The following AFF3 variants were observed in gnomAD, a reference collection of about 807,000 sequenced individuals.
The protein encoded by AFF3 is AF4/FMR2 family member 3.
A neutral mutation model predicts 129.7 loss-of-function variants in AFF3; 32 were observed. The ratio of observed to expected loss-of-function variants is 0.25; its 90% CI spans 0.19 to 0.33. The LOEUF is 0.33. Ranked by LOEUF, AFF3 falls within the 10% of genes least tolerant of loss-of-function variation. The probability of loss-of-function intolerance (pLI) is 1.00; values close to 1 mark genes in which losing one functional copy is unlikely to be tolerated. For synonymous variants in AFF3, 644 were observed against 635.4 expected (o/e 1.01, Z -0.20); for missense variants, 1,373 against 1,592.0 (o/e 0.86, Z 2.34).
At chr2:99,587,408 GAGCAGCTGTGCCCC>G in intron 15 of AFF3, 130 bp from the exon 16 acceptor site, 13 of 1,041,898 alleles carry the variant, frequency 1.2e-5, no homozygotes, top group Non-Finnish European at 1.7e-5. Flanking sequence ...AGCACAGCCT[GAGCAGCTGTGCCCC>G]TGCCATAGCT....
chr2:100,001,869 T>A (rs1477354730), intron 7 of AFF3, among the ~76,000 whole-genome samples: 1 of 152,228 alleles, frequency 6.6e-6, no homozygotes, highest in Non-Finnish European at 1.5e-5. Flanking sequence ...CTCCAGCATC[T>A]GAGATCAAGG....
chr2:99,659,732 G>A (rs1388137856), intron 12 of AFF3, among the ~76,000 whole-genome samples: 1 of 152,124 alleles, frequency 6.6e-6, no homozygotes, highest in Non-Finnish European at 1.5e-5. Flanking sequence ...GTATGCACAC[G>A]ATGAAGCTTT....
intron 7 of AFF3, among the ~76,000 whole-genome samples, chr2:99,890,572 A>T (rs987057447): frequency 6.6e-6 from 1 of 152,086 alleles, no homozygotes; most frequent in Non-Finnish European, 1.5e-5. Flanking sequence ...GGAGCCCCGG[A>T]GCAGGAGGAA....
intron 11 of AFF3, among the ~76,000 whole-genome samples, chr2:99,704,719 A>G (rs1262724720): frequency 3.3e-5 from 5 of 152,234 alleles, no homozygotes; most frequent in African/African-American, 1.2e-4. Context: ...TGTCAGAGCT[A>G]TTCCTATATC....
In AFF3 at chr2:99,940,447, G is replaced by A. The variant is rs180779439; in HGVS notation, c.873+66185C>T. On this transcript the variant is annotated intron_variant, in intron 7 of 24. Coordinates refer to ENST00000672756, the MANE Select transcript of AFF3 (RefSeq NM_001386135.1). ...GAGGTCAGCACAAGATACAGGTCAC[G>A]AAGACCTTGCTGCTAAAACAGGCTG... Among the ~76,000 whole-genome samples, 275 of 152,240 alleles carry A rather than the reference G, an allele frequency of 1.8e-3. 1 individual carries two copies. Among genetic ancestry groups the A allele is most frequent in the African/African-American group, 6.2e-3 (259 of 41,542 alleles).
intron 13 of AFF3, among the ~76,000 whole-genome samples, chr2:99,624,911 G>A (rs1355895435): frequency 2.6e-5 from 4 of 152,192 alleles, no homozygotes; most frequent in Non-Finnish European, 5.9e-5. Flanking sequence ...CCTGCATACG[G>A]CTCCACCCTA....
In AFF3 at chr2:99,548,856, C is replaced by T. The variant is rs889983330; in HGVS notation, c.*2618G>A. 7 of 232,872 alleles carry T rather than the reference C, an allele frequency of 3.0e-5. No homozygotes were observed. Among genetic ancestry groups the T allele is most frequent in the African/African-American group, 1.1e-4 (5 of 45,344 alleles). The allele number at this position is 232,872 out of a possible 1,614,324, so 14.4% of individuals were successfully genotyped here. On this transcript the variant is annotated 3_prime_UTR_variant, in exon 25 of 25. Coordinates refer to ENST00000672756, the MANE Select transcript of AFF3 (RefSeq NM_001386135.1). ...AGGATGGTTACTAACCAAAATCACCCATGCCAAACCCCACAGAAACTGCTG... is the reference window on the plus strand; with the variant it reads ...AGGATGGTTACTAACCAAAATCACCTATGCCAAACCCCACAGAAACTGCTG...
At chr2:99,642,322 T>C (rs1165052252) in intron 13 of AFF3, among the ~76,000 whole-genome samples, 1 of 152,132 alleles carries the variant, frequency 6.6e-6, no homozygotes, top group Non-Finnish European at 1.5e-5. Context: ...TTGCCTACTT[T>C]TGGACTGAGT....
chr2:99,597,121 C>G (rs185562324), intron 14 of AFF3, among the ~76,000 whole-genome samples: 5 of 152,314 alleles, frequency 3.3e-5, no homozygotes, highest in Admixed American at 3.3e-4. Flanking sequence ...GGGACATACC[C>G]AGAGCTGCAC....
intron 2 of AFF3, among the ~76,000 whole-genome samples, chr2:100,117,843 G>A (rs1691791073): frequency 6.6e-6 from 1 of 152,186 alleles, no homozygotes; most frequent in Non-Finnish European, 1.5e-5. Context: ...GGATTTTAAA[G>A]TATACTGCAA....
intron 13 of AFF3, among the ~76,000 whole-genome samples, chr2:99,623,695 A>G (rs1682277320): frequency 6.6e-6 from 1 of 152,208 alleles, no homozygotes; most frequent in African/African-American, 2.4e-5. Flanking sequence ...CACCCACTGC[A>G]TGTGCCCTTG....
chr2:99,979,171 A>G (rs950347464), intron 7 of AFF3, among the ~76,000 whole-genome samples: 7 of 152,160 alleles, frequency 4.6e-5, no homozygotes, highest in Non-Finnish European at 8.8e-5. Context: ...TTGTTCTTGT[A>G]TCGTGCAAAG....
intron 12 of AFF3, among the ~76,000 whole-genome samples, chr2:99,652,272 C>T (rs1053202775): frequency 3.9e-5 from 6 of 152,236 alleles, no homozygotes; most frequent in Admixed American, 2.0e-4. Context: ...AGCTCTCAAC[C>T]GGGGCACCCA....
intron 24 of AFF3, among the ~76,000 whole-genome samples, chr2:99,552,760 A>G (rs1236286991): frequency 6.6e-6 from 1 of 152,154 alleles, no homozygotes; most frequent in Non-Finnish European, 1.5e-5. Flanking sequence ...CTTGGCACTG[A>G]GCCCTCTGGT....
At chr2:100,088,177 G>A (rs778455072) in intron 4 of AFF3, among the ~76,000 whole-genome samples, 2,395 of 147,826 alleles carry the variant, frequency 0.016, 31 homozygotes, top group African/African-American at 0.042. Context: ...CAGGCCAATC[G>A]GGCAAGAAAA....
At chr2:100,075,060 A>G (rs1174675972) in intron 4 of AFF3, among the ~76,000 whole-genome samples, 3 of 152,230 alleles carry the variant, frequency 2.0e-5, no homozygotes. Flanking sequence ...GAAAGAAAAG[A>G]CAGGAGCTCT....
intron 4 of AFF3, among the ~76,000 whole-genome samples, chr2:100,062,994 T>C (rs1035353042): frequency 1.3e-5 from 2 of 151,998 alleles, no homozygotes; most frequent in Non-Finnish European, 2.9e-5. Context: ...CTCACGACCG[T>C]AATCCCACCA....
chr2:99,937,785 C>G (rs535527318), intron 7 of AFF3, among the ~76,000 whole-genome samples: 18 of 152,260 alleles, frequency 1.2e-4, no homozygotes, highest in African/African-American at 4.3e-4. Flanking sequence ...GACAACTGGT[C>G]AAACATGAGA....
chr2:99,631,081 T>C (rs1159319739), intron 13 of AFF3: 2 of 388,210 alleles, frequency 5.2e-6, no homozygotes, highest in African/African-American at 2.1e-5. Context: ...GGAGTGGGGC[T>C]CAGGCAGGGC....
Sources: allele counts gnomAD v4.1 joint callset (sites outside exome capture counted in the v4.1 genomes callset), GRCh38; gene constraint gnomAD v4.1.1; transcripts MANE v1.5; gene names NCBI Gene and HGNC (gene_info 2026-07-23, HGNC 2026-07-21).